JAK1: variants seen among roughly 807,000 people sequenced by gnomAD.
JAK1 encodes the protein tyrosine-protein kinase JAK1.
Under a neutral mutation model 136.6 loss-of-function variants are expected in JAK1, and 16 were observed. The observed-to-expected ratio is 0.12, with a 90% CI of 0.08 to 0.18. The LOEUF (loss-of-function observed/expected upper bound fraction) is 0.18. Ranked by LOEUF, JAK1 falls within the 10% of genes least tolerant of loss-of-function variation. JAK1 has a pLI of 1.00. For synonymous variants in JAK1, 492 were observed against 519.5 expected, an observed-to-expected ratio of 0.95 and a Z score of 0.72; for missense variants, 859 against 1,450.1, an observed-to-expected ratio of 0.59 and a Z score of 6.62.
chr1:64,859,273 G>A lies in JAK1; in HGVS notation c.1334+832C>T, dbSNP rs568957300. On this transcript the variant is annotated intron_variant, in intron 9 of 24. Transcript: ENST00000342505. ...CTGGCTGTTTTCCTTTGCCTGAAGG[G>A]CTGTCATATGTAAGAGAAAGTCAAA... is the stretch of plus-strand genomic sequence containing the variant. Among the ~76,000 whole-genome samples, 9 of 152,348 alleles carry A rather than the reference G, an allele frequency of 5.9e-5. No individual in the cohort carries two copies. The South Asian group carries it at 1.7e-3, about 28-fold the overall frequency.
At chr1:64,866,051 C>T (rs990652500) in intron 7 of JAK1, among the ~76,000 whole-genome samples, 9 of 152,208 alleles carry the variant, frequency 5.9e-5, no homozygotes, top group African/African-American at 2.2e-4. Flanking sequence ...TGAGCCACTG[C>T]ACCCACCCAC....
rs551605541 is a variant in JAK1 at position 64,984,110 on chromosome 1, A to G, written c.-78+60370T>C. On this transcript the variant is annotated intron_variant, in intron 2 of 25. Transcript: ENST00000671954. This position sits in a 1 kb window ranked among gnomAD's most constrained non-coding sequence, Gnocchi z 4.1. ...TCATTATTTGGCAAAATTACACTTA[A>G]AACATAATATTTATGTAATTAAACC... is the stretch of plus-strand genomic sequence containing the variant. 3.9e-5 allele frequency among the ~76,000 whole-genome samples: 6 copies of G among 152,332 alleles called. No homozygotes were observed. The East Asian group carries it at 9.6e-4, about 24-fold the overall frequency.
intron 1 of JAK1, among the ~76,000 whole-genome samples, chr1:64,896,271 A>C (rs1367799316): frequency 6.6e-6 from 1 of 152,230 alleles, no homozygotes; most frequent in Non-Finnish European, 1.5e-5. Context: ...CTAACAGACA[A>C]CACTTGAATT....
At chr1:64,987,710 C>G (rs1241956686) in intron 2 of JAK1, 1 of 152,154 alleles carries the variant, frequency 6.6e-6, no homozygotes, top group Non-Finnish European at 1.5e-5. Context: ...AGAAGCAAGT[C>G]CTTTGAAGTG....
intron 1 of JAK1, among the ~76,000 whole-genome samples, chr1:64,893,673 C>T (rs577018433): frequency 4.6e-5 from 7 of 152,240 alleles, no homozygotes; most frequent in Admixed American, 6.5e-5. Flanking sequence ...TGTGAGTATG[C>T]GCAAGGCTTT....
At chr1:64,947,849 C>T (rs535079673) in intron 1 of JAK1, among the ~76,000 whole-genome samples, 12 of 151,838 alleles carry the variant, frequency 7.9e-5, no homozygotes, top group African/African-American at 2.7e-4. Flanking sequence ...TACTCTTATA[C>T]CTCTGAAGGG....
chr1:64,906,538 C>T (rs963764158), intron 1 of JAK1, among the ~76,000 whole-genome samples: 4 of 152,142 alleles, frequency 2.6e-5, no homozygotes, highest in Non-Finnish European at 4.4e-5. Flanking sequence ...ACATCTAAAC[C>T]ATCACCAATT....
chr1:64,848,598 T>C (rs958176226), intron 12 of JAK1, among the ~76,000 whole-genome samples: 10 of 152,136 alleles, frequency 6.6e-5, no homozygotes, highest in African/African-American at 2.2e-4. Flanking sequence ...CATACCATGA[T>C]CTATTTCTGA....
At chr1:65,056,435 AAC>A in intron 1 of JAK1, among the ~76,000 whole-genome samples, 1 of 152,326 alleles carries the variant, frequency 6.6e-6, no homozygotes, top group African/African-American at 2.4e-5. Flanking sequence ...CCAGCAAAGG[AAC>A]ACAGTGACCA....
At chr1:64,925,962 C>T (rs1645576338) in intron 1 of JAK1, among the ~76,000 whole-genome samples, 1 of 152,162 alleles carries the variant, frequency 6.6e-6, no homozygotes, top group East Asian at 1.9e-4. Flanking sequence ...TCTGTATGAA[C>T]CCAGGAGGTG....
chr1:64,964,749 T>C (rs1361224364), intron 1 of JAK1, among the ~76,000 whole-genome samples: 2 of 152,242 alleles, frequency 1.3e-5, no homozygotes, highest in Non-Finnish European at 2.9e-5. Context: ...GAAGAGGTTA[T>C]GATTATTCCT....
chr1:65,040,569 AT>A (rs748442037), intron 2 of JAK1, among the ~76,000 whole-genome samples: 49 of 152,088 alleles, frequency 3.2e-4, no homozygotes, highest in Non-Finnish European at 6.6e-4. Context: ...GGTTCCAGGG[AT>A]CAGAATGTGG....
chr1:65,019,421 A>G (rs1646918140), intron 2 of JAK1, among the ~76,000 whole-genome samples: 1 of 151,852 alleles, frequency 6.6e-6, no homozygotes, highest in Non-Finnish European at 1.5e-5. Flanking sequence ...GTAATTTGTC[A>G]TGTTAATAGA....
At chr1:64,988,976 A>G (rs1197912608) in intron 2 of JAK1, among the ~76,000 whole-genome samples, 2 of 125,300 alleles carry the variant, frequency 1.6e-5, no homozygotes, top group South Asian at 2.9e-4. Context: ...GTATATATAT[A>G]TGTATATGTG....
In JAK1 at chr1:64,844,061, C is replaced by T. The variant is rs375506294; in HGVS notation, c.2403+3G>A. On this transcript the variant is annotated splice_donor_region_variant and intron_variant, in intron 17 of 24. Coordinates refer to ENST00000342505, the MANE Select transcript of JAK1 (RefSeq NM_002227.4). This position sits in a 1 kb window ranked among gnomAD's most constrained non-coding sequence, Gnocchi z 5.7. ...CCTCACGCCCCGGGAAACACCTGCT[C>T]ACCTCAATCAGCGTCTTGTCTTTCA... 2 of 1,613,926 alleles carry T rather than the reference C, an allele frequency of 1.2e-6. No individual in the cohort carries two copies. The highest frequency in any genetic ancestry group is 1.7e-6 in the Non-Finnish European group (2 of 1,179,990).
intron 3 of JAK1, among the ~76,000 whole-genome samples, chr1:64,880,941 TCAAA>T (rs974764391): frequency 2.0e-5 from 3 of 150,588 alleles, no homozygotes; most frequent in Non-Finnish European, 4.4e-5. Context: ...AGACTCTGTC[TCAAA>T]CAAACAAACA....
chr1:65,061,394 C>T (rs114731321), intron 1 of JAK1, among the ~76,000 whole-genome samples: 162 of 152,170 alleles, frequency 1.1e-3, no homozygotes, highest in Non-Finnish European at 2.0e-3. Flanking sequence ...TTTTCTCAAG[C>T]GATCAATCAA....
rs773205996 is a variant in JAK1 at position 64,850,863 on chromosome 1, G to T, written c.1696C>A (p.Pro566Thr). The change falls in exon 12 of 25, where the codon CCC (proline) becomes ACC (threonine). Residue 566 changes from proline (P) to threonine (T), a missense_variant. This residue lies in a region of JAK1 where 409 missense variants were observed against 753.8 expected (regional missense o/e 0.54). Coordinates refer to ENST00000342505, the MANE Select transcript of JAK1 (RefSeq NM_002227.4). ...VATKKAQEWQ[P>T]VYPMSQLSFD... The stretch of plus-strand genomic sequence containing the variant: ...CTCAGCTGGCTCATGGGGTAGACGG[G>T]CTGCCACTCCTGGGCTTTCTTAGTA... The T allele has an allele frequency of 5.6e-6, 9 of 1,613,606 alleles. No individual in the cohort carries two copies. Among genetic ancestry groups the T allele is most frequent in the Non-Finnish European group, 7.6e-6 (9 of 1,179,936 alleles).
intron 3 of JAK1, among the ~76,000 whole-genome samples, chr1:64,880,595 A>G (rs1012855987): frequency 6.6e-6 from 1 of 152,242 alleles, no homozygotes; most frequent in Non-Finnish European, 1.5e-5. Flanking sequence ...TCTTTATATA[A>G]AAGTACTGAG....
Sources: allele counts gnomAD v4.1 joint callset (sites outside exome capture counted in the v4.1 genomes callset), GRCh38; gene constraint gnomAD v4.1.1; regional missense constraint gnomAD v4.1.1; non-coding constraint Gnocchi (gnomAD v3.1); transcripts MANE v1.5; gene names NCBI Gene and HGNC (gene_info 2026-07-23, HGNC 2026-07-21).